JPH3: variants seen among roughly 807,000 people sequenced by gnomAD.
JPH3 encodes the protein junctophilin 3.
A neutral mutation model predicts 59.6 loss-of-function variants in JPH3; 11 were observed. The observed-to-expected ratio is 0.18, with a 90% CI of 0.12 to 0.31. The LOEUF (loss-of-function observed/expected upper bound fraction) is 0.31, where lower values mean the gene tolerates loss of function less well. Ranked by LOEUF, JPH3 falls within the 10% of genes least tolerant of loss-of-function variation. The probability of loss-of-function intolerance (pLI) is 1.00; values close to 1 mark genes in which losing one functional copy is unlikely to be tolerated. For synonymous variants in JPH3, 673 were observed against 483.6 expected (o/e 1.39, Z -5.14); for missense variants, 1,202 against 1,105.7 (o/e 1.09, Z -1.24).
chr16:87,668,101 C>T (rs533175880), intron 2 of JPH3, among the ~76,000 whole-genome samples: 31 of 152,324 alleles, frequency 2.0e-4, no homozygotes, highest in African/African-American at 4.6e-4. Flanking sequence ...GCGCAGCGCC[C>T]GGCTCCGTGG....
At chr16:87,616,409 A>ATT (rs55924986) in intron 1 of JPH3, among the ~76,000 whole-genome samples, 1,455 of 132,730 alleles carry the variant, frequency 0.011, 23 homozygotes, top group African/African-American at 0.037. Flanking sequence ...AAGTTTTTGT[A>ATT]TTTTTTTTTT....
chr16:87,605,793 C>G (rs2030497239), intron 1 of JPH3, among the ~76,000 whole-genome samples: 1 of 152,166 alleles, frequency 6.6e-6, no homozygotes, highest in Non-Finnish European at 1.5e-5. Flanking sequence ...TGTCTGGGAC[C>G]AAACCCCCCT....
chr16:87,627,167 CTT>C (rs1221116621), intron 1 of JPH3, among the ~76,000 whole-genome samples: 1 of 152,178 alleles, frequency 6.6e-6, no homozygotes, highest in Admixed American at 6.5e-5. Context: ...ACTCAAGCCT[CTT>C]TGCCCTAGAG....
chr16:87,693,977 T>C (rs930504312), intron 4 of JPH3: 1 of 152,246 alleles, frequency 6.6e-6, no homozygotes, highest in African/African-American at 2.4e-5. Context: ...GAGCCCACCG[T>C]GCCGAGTGGT....
chr16:87,694,997 C>T, intron 4 of JPH3: 1 of 299,762 alleles, frequency 3.3e-6, no homozygotes, highest in African/African-American at 2.2e-5. Context: ...GTTGTGAATC[C>T]TGCTGCCGGG....
chr16:87,602,072 G>C (rs2030216468), upstream of JPH3: 3 of 152,498 alleles, frequency 2.0e-5, no homozygotes, highest in African/African-American at 2.4e-5. Flanking sequence ...CGAGCCCGGC[G>C]GGAGGGGCGA....
intron 2 of JPH3, among the ~76,000 whole-genome samples, chr16:87,674,250 C>T (rs1305666541): frequency 2.6e-5 from 4 of 152,100 alleles, no homozygotes; most frequent in South Asian, 2.1e-4. Flanking sequence ...AGGAGAATGG[C>T]GTGAACCCGG....
At chr16:87,666,609 G>T (rs564507319) in intron 2 of JPH3, among the ~76,000 whole-genome samples, 1 of 152,214 alleles carries the variant, frequency 6.6e-6, no homozygotes, top group African/African-American at 2.4e-5. Flanking sequence ...TGTTGGTCAG[G>T]CTGGTCTCAA....
intron 1 of JPH3, among the ~76,000 whole-genome samples, chr16:87,631,134 A>G (rs574373454): frequency 7.2e-5 from 11 of 152,302 alleles, no homozygotes; most frequent in African/African-American, 2.6e-4. Flanking sequence ...TCAGTAATAC[A>G]CACAAATGTA....
intron 2 of JPH3, among the ~76,000 whole-genome samples, chr16:87,656,997 C>T (rs1206734374): frequency 1.3e-5 from 2 of 152,120 alleles, no homozygotes; most frequent in African/African-American, 4.8e-5. Context: ...GATTAGGGCC[C>T]CACCCATATG....
At chr16:87,605,021 G>A (rs1282759014) in intron 1 of JPH3, 1 of 439,918 alleles carries the variant, frequency 2.3e-6, no homozygotes, top group Admixed American at 2.4e-5. Context: ...AGGGAGGCCC[G>A]GGCAGCAGAT....
At chr16:87,613,251 C>A (rs530755540) in intron 1 of JPH3, among the ~76,000 whole-genome samples, 82 of 151,768 alleles carry the variant, frequency 5.4e-4, no homozygotes, top group African/African-American at 1.9e-3. Flanking sequence ...TACCCACCAC[C>A]ACGTCCGGCT....
chr16:87,627,600 C>G (rs1307955569), intron 1 of JPH3, among the ~76,000 whole-genome samples: 5 of 152,254 alleles, frequency 3.3e-5, no homozygotes, highest in African/African-American at 9.6e-5. Flanking sequence ...TGCCAGGCAT[C>G]TGGCTGCAGC....
chr16:87,604,431 C>A lies in JPH3; in HGVS notation c.382+903C>A, dbSNP rs534156481. On this transcript the variant is annotated intron_variant, in intron 1 of 4. Coordinates refer to ENST00000284262, the MANE Select transcript of JPH3 (RefSeq NM_020655.4). ...TCAGTGCACCTGACACGCATGGAGCCGGTCCTTTCCTGGAAGCCAGACCCC... is the reference window on the plus strand; with the variant it reads ...TCAGTGCACCTGACACGCATGGAGCAGGTCCTTTCCTGGAAGCCAGACCCC... 5 of 1,385,940 alleles carry A rather than the reference C, an allele frequency of 3.6e-6. No homozygotes were observed. The African/African-American group carries it at 4.3e-5, about 12-fold the overall frequency. The allele number at this position is 1,385,940 out of a possible 1,614,324, so 85.9% of individuals were successfully genotyped here.
At chr16:87,679,947 C>A (rs951260776) in intron 2 of JPH3, among the ~76,000 whole-genome samples, 3 of 152,258 alleles carry the variant, frequency 2.0e-5, no homozygotes, top group African/African-American at 7.2e-5. Flanking sequence ...CTTGGGTGCA[C>A]CCCAACCCCA....
At chr16:87,667,162 C>T (rs1424352515) in intron 2 of JPH3, among the ~76,000 whole-genome samples, 1 of 152,202 alleles carries the variant, frequency 6.6e-6, no homozygotes, top group Admixed American at 6.5e-5. Context: ...TCCCTCGTCA[C>T]GTGGCCTCTC....
intron 1 of JPH3, among the ~76,000 whole-genome samples, chr16:87,619,386 C>A (rs2031088954): frequency 6.6e-6 from 1 of 152,036 alleles, no homozygotes; most frequent in Non-Finnish European, 1.5e-5. Context: ...GCTGTAGACA[C>A]CACTGTGAGC....
At chr16:87,636,473 G>A (rs1190614810) in intron 1 of JPH3, among the ~76,000 whole-genome samples, 1 of 152,212 alleles carries the variant, frequency 6.6e-6, no homozygotes, top group African/African-American at 2.4e-5. Context: ...AACCGAGGGA[G>A]CGAGGGAGAG....
chr16:87,670,640 C>T (rs376127311), intron 2 of JPH3, among the ~76,000 whole-genome samples: 1 of 152,244 alleles, frequency 6.6e-6, no homozygotes, highest in Non-Finnish European at 1.5e-5. Context: ...CCACACACTG[C>T]GGATGGGACG....
Sources: gnomAD v4.1 joint callset for allele counts (sites outside exome capture counted in the v4.1 genomes callset) on GRCh38, gnomAD v4.1.1 for gene constraint, MANE v1.5 for transcripts, NCBI Gene and HGNC (gene_info 2026-07-23, HGNC 2026-07-21) for gene names.